The following USH2A variants were observed in gnomAD, a reference collection of about 807,000 sequenced individuals.
USH2A encodes Usher syndrome 2A (autosomal recessive, mild).
USH2A carries 443 observed loss-of-function variants against 538.9 expected under a neutral mutation model. That is an observed-to-expected ratio of 0.82 (90% CI 0.76 to 0.89). USH2A has a LOEUF of 0.89. USH2A is among the 40% of genes least tolerant of loss of function. USH2A has a pLI of 0.00. For synonymous variants in USH2A, 2,413 were observed against 2,273.5 expected, an observed-to-expected ratio of 1.06 and a Z score of -1.75; for missense variants, 6,633 against 6,324.8, an observed-to-expected ratio of 1.05 and a Z score of -1.65.
At chr1:216,315,313 T>A (rs1387242744) in intron 9 of USH2A, among the ~76,000 whole-genome samples, 1 of 152,000 alleles carries the variant, frequency 6.6e-6, no homozygotes, top group African/African-American at 2.4e-5. Context: ...GATCTAAAAG[T>A]GGGGGTGAGG....
chr1:215,874,826 G>A (rs77816092), intron 43 of USH2A, among the ~76,000 whole-genome samples: 2,004 of 152,214 alleles, frequency 0.013, 102 homozygotes, highest in Admixed American at 0.092. Context: ...TGGAATCTGG[G>A]GAGAATAGGA....
chr1:216,243,074 T>C (rs2035967878), intron 13 of USH2A, among the ~76,000 whole-genome samples: 1 of 152,206 alleles, frequency 6.6e-6, no homozygotes, highest in African/African-American at 2.4e-5. Context: ...TTGATCATTC[T>C]AGCTTTTCAT....
chr1:216,283,352 A>C (rs1212789179), intron 11 of USH2A, among the ~76,000 whole-genome samples: 1 of 152,220 alleles, frequency 6.6e-6, no homozygotes, highest in East Asian at 1.9e-4. Flanking sequence ...GGCTTCCCAA[A>C]GTGCTGGGAT....
chr1:216,420,173 T>C (rs1341336607), intron 2 of USH2A, among the ~76,000 whole-genome samples: 1 of 152,058 alleles, frequency 6.6e-6, no homozygotes, highest in Non-Finnish European at 1.5e-5. Flanking sequence ...TTTGCCCCTA[T>C]TCATTTTTCT....
At chr1:216,224,549 AAC>A (rs1345115735) in intron 14 of USH2A, among the ~76,000 whole-genome samples, 2 of 152,160 alleles carry the variant, frequency 1.3e-5, no homozygotes, top group Non-Finnish European at 2.9e-5. Flanking sequence ...TTGAAGAATA[AAC>A]CACTTAGATG....
At chr1:216,086,885 T>A (rs1416104880) in intron 23 of USH2A, 65 bp from the exon 24 acceptor site, 2 of 1,283,696 alleles carry the variant, frequency 1.6e-6, no homozygotes, top group African/African-American at 2.9e-5. Flanking sequence ...GCTCAGCAAA[T>A]AATAAAATCC....
intron 11 of USH2A, among the ~76,000 whole-genome samples, chr1:216,273,215 T>C (rs915855245): frequency 1.3e-5 from 2 of 152,032 alleles, no homozygotes; most frequent in Non-Finnish European, 2.9e-5. Flanking sequence ...TAAAGTTCAG[T>C]GAGCCAATTT....
chr1:215,722,611 G>A (rs1414058314), intron 61 of USH2A, among the ~76,000 whole-genome samples: 1 of 152,106 alleles, frequency 6.6e-6, no homozygotes, highest in African/African-American at 2.4e-5. Flanking sequence ...CCTTGACATT[G>A]GGAAAGGAAG....
intron 37 of USH2A, among the ~76,000 whole-genome samples, chr1:215,961,111 A>T (rs1011533251): frequency 1.3e-5 from 2 of 152,052 alleles, no homozygotes; most frequent in Non-Finnish European, 2.9e-5. Context: ...AGCAGCAAAA[A>T]AACTTCAAAT....
intron 55 of USH2A, among the ~76,000 whole-genome samples, chr1:215,774,088 T>C (rs1661383483): frequency 1.3e-5 from 2 of 152,216 alleles, no homozygotes; most frequent in Middle Eastern, 3.4e-3. Flanking sequence ...ATTTGTACTG[T>C]CCATTTTCTG....
At chr1:215,768,029 C>T (rs912685783) in intron 55 of USH2A, among the ~76,000 whole-genome samples, 3 of 151,914 alleles carry the variant, frequency 2.0e-5, no homozygotes, top group African/African-American at 4.8e-5. Context: ...GCTACATTTT[C>T]GCATATTTTG....
intron 32 of USH2A, among the ~76,000 whole-genome samples, chr1:216,045,240 A>G (rs2030461344): frequency 6.6e-6 from 1 of 152,184 alleles, no homozygotes. Context: ...GTCTCACATG[A>G]GAGTCACATA....
intron 64 of USH2A, among the ~76,000 whole-genome samples, chr1:215,663,613 C>T (rs1657512154): frequency 6.6e-6 from 1 of 152,128 alleles, no homozygotes; most frequent in South Asian, 2.1e-4. Flanking sequence ...GCCCTGCGAC[C>T]ACACCTGCTC....
At position 215,647,648 on chromosome 1, in the gene USH2A, C is replaced by G. The variant is rs1656900784; in HGVS notation, c.14665G>C (p.Gly4889Arg). 1 of 1,614,022 alleles carries G rather than the reference C, an allele frequency of 6.2e-7. No homozygotes were observed. Among genetic ancestry groups the G allele is most frequent in the African/African-American group, 1.3e-5 (1 of 74,894 alleles). ...TPSQIETKYTGLGQKASLGGL... is the reference protein window; with the variant it reads ...TPSQIETKYTRLGQKASLGGL... ...CCAAGGCTGGCTTTCTGCCCCAGCC[C>G]CGTGTACTTTGTTTCTATTTGGCTG... The change falls in exon 67 of 72, where the codon GGG (glycine) becomes CGG (arginine). Residue 4889 changes from glycine to arginine, a missense_variant. Transcript: ENST00000307340.
chr1:216,040,616 G>T lies in USH2A; in HGVS notation c.6325+5815C>A, dbSNP rs1026806976. The stretch of plus-strand genomic sequence containing the variant: ...AGTCTGGATAGTCATCATCGATCAG[G>T]TGCTGTCCAGCCTGAACTTTGAAAC... On this transcript the variant is annotated intron_variant, in intron 32 of 71. Transcript: ENST00000307340. Among the ~76,000 whole-genome samples, 4 of 151,918 alleles carry T rather than the reference G, an allele frequency of 2.6e-5. No individual in the cohort carries two copies. In the East Asian group the frequency reaches 5.8e-4, roughly 22 times the overall value.
In USH2A at chr1:216,287,607, C is replaced by T. The variant is rs183133463; in HGVS notation, c.1971+1673G>A. On this transcript the variant is annotated intron_variant, in intron 11 of 71. Coordinates refer to ENST00000307340, the MANE Select transcript of USH2A (RefSeq NM_206933.4). Reference sequence around the variant, plus strand: ...AAGGTTGTCTAGCATCCCTATAAAACGGACTTGAAATAGAAGTTTGAGTTC... The same window carrying T: ...AAGGTTGTCTAGCATCCCTATAAAATGGACTTGAAATAGAAGTTTGAGTTC... Among the ~76,000 whole-genome samples, 1,483 of 151,912 alleles carry T rather than the reference C, an allele frequency of 9.8e-3. 17 individuals carry two copies. Among genetic ancestry groups the T allele is most frequent in the Non-Finnish European group, 0.013 (902 of 67,950 alleles).
chr1:216,067,484 C>T lies in USH2A; in HGVS notation c.6049+2617G>A, dbSNP rs116664207. ...TTGGATGCTCTGTAGAATACACTCA[C>T]GGCCAGGGAGAGAAAAAAAAAAAAA... is the stretch of plus-strand genomic sequence containing the variant. On this transcript the variant is annotated intron_variant, in intron 30 of 71. Coordinates refer to ENST00000307340, the MANE Select transcript of USH2A (RefSeq NM_206933.4). Among the ~76,000 whole-genome samples, 1,200 of 143,650 alleles carry T rather than the reference C, an allele frequency of 8.4e-3. 19 individuals are homozygous for T. The highest frequency in any genetic ancestry group is 0.03 in the African/African-American group (1,149 of 38,258). 94.2% of individuals were successfully genotyped at this position (143,650 alleles called of 152,430 possible).
At chr1:216,402,802 C>G (rs889301657) in intron 3 of USH2A, among the ~76,000 whole-genome samples, 1 of 152,042 alleles carries the variant, frequency 6.6e-6, no homozygotes, top group Admixed American at 6.6e-5. Context: ...GTCAATACCC[C>G]AAGCCCTCAT....
chr1:216,059,408 G>T (rs2031095620), intron 30 of USH2A, among the ~76,000 whole-genome samples: 1 of 152,024 alleles, frequency 6.6e-6, no homozygotes, highest in African/African-American at 2.4e-5. Flanking sequence ...CATTCTTTTT[G>T]TAGACACCCA....
Sources: allele counts gnomAD v4.1 joint callset (sites outside exome capture counted in the v4.1 genomes callset), GRCh38; gene constraint gnomAD v4.1.1; transcripts MANE v1.5; gene names NCBI Gene and HGNC (gene_info 2026-07-23, HGNC 2026-07-21).